PRKG1: variants seen among roughly 807,000 people sequenced by gnomAD.
PRKG1 encodes the protein protein kinase cGMP-dependent 1, also known as cGMP-dependent protein kinase 1.
A neutral mutation model predicts 88.1 loss-of-function variants in PRKG1; 35 were observed. The observed-to-expected ratio is 0.40, with a 90% CI of 0.30 to 0.53. The LOEUF is 0.53. PRKG1 is among the 20% of genes least tolerant of loss of function. The probability of loss-of-function intolerance (pLI) is 0.59; values close to 1 mark genes in which losing one functional copy is unlikely to be tolerated. For missense variants in PRKG1, 540 were observed against 839.8 expected (o/e 0.64, Z 4.41); for synonymous variants, 303 against 292.5 (o/e 1.04, Z -0.37).
chr10:52,001,527 G>T (rs901914008), intron 5 of PRKG1, among the ~76,000 whole-genome samples: 1 of 151,614 alleles, frequency 6.6e-6, no homozygotes, highest in African/African-American at 2.4e-5. Context: ...GAAAATTTTT[G>T]CCTCTTTTTT....
intron 7 of PRKG1, among the ~76,000 whole-genome samples, chr10:52,093,239 T>C (rs1847097672): frequency 1.3e-5 from 2 of 152,040 alleles, no homozygotes; most frequent in Non-Finnish European, 2.9e-5. Context: ...TAGGTGAAAA[T>C]TCAAGTGACT....
chr10:51,856,087 C>T (rs368355541), intron 4 of PRKG1, among the ~76,000 whole-genome samples: 8 of 152,282 alleles, frequency 5.3e-5, no homozygotes, highest in South Asian at 4.1e-4. Context: ...CCCATTGTTA[C>T]ATCACCACCT....
rs536966706 is a variant in PRKG1 at position 51,288,786 on chromosome 10, A to G, written c.478+135456A>G. ...GAAAGAAGGAATGACAGAGGGGAGCAAAGAGGTATGTGTAGTTATTCTGTA... is the reference window on the plus strand; with the variant it reads ...GAAAGAAGGAATGACAGAGGGGAGCGAAGAGGTATGTGTAGTTATTCTGTA... On this transcript the variant is annotated intron_variant, in intron 2 of 17. Transcript: ENST00000373980. Among the ~76,000 whole-genome samples the G allele has an allele frequency of 5.3e-5, 8 of 152,314 alleles. No individual in the cohort carries two copies. In the South Asian group the frequency reaches 1.5e-3, roughly 28 times the overall value.
intron 2 of PRKG1, among the ~76,000 whole-genome samples, chr10:51,246,314 A>G (rs1289580859): frequency 6.6e-6 from 1 of 152,140 alleles, no homozygotes. Context: ...CTGAAAAGAA[A>G]TGGGAGCAGA....
intron 3 of PRKG1, among the ~76,000 whole-genome samples, chr10:51,536,382 A>G (rs1842152102): frequency 6.6e-6 from 1 of 151,848 alleles, no homozygotes; most frequent in African/African-American, 2.4e-5. Context: ...CTGCTTTTTA[A>G]TGGGTTGTTT....
chr10:50,993,658 C>T (rs1842804562), intron 1 of PRKG1, among the ~76,000 whole-genome samples: 1 of 152,238 alleles, frequency 6.6e-6, no homozygotes, highest in East Asian at 1.9e-4. Flanking sequence ...ATTTCTGTGT[C>T]TGGGCTATGC....
At chr10:51,372,435 C>T (rs1842724263) in intron 2 of PRKG1, among the ~76,000 whole-genome samples, 1 of 151,984 alleles carries the variant, frequency 6.6e-6, no homozygotes, top group East Asian at 1.9e-4. Flanking sequence ...TTTTGTTTTT[C>T]ACTTGTGTAA....
At chr10:51,575,302 T>C (rs1181428367) in intron 3 of PRKG1, among the ~76,000 whole-genome samples, 1 of 152,032 alleles carries the variant, frequency 6.6e-6, no homozygotes, top group East Asian at 1.9e-4. Context: ...CCTCTCCAGA[T>C]GGTAATATAC....
chr10:51,831,564 C>A (rs1310017286), intron 4 of PRKG1, among the ~76,000 whole-genome samples: 1 of 152,150 alleles, frequency 6.6e-6, no homozygotes, highest in Non-Finnish European at 1.5e-5. Context: ...CCTTTTATGG[C>A]TGCTCCGTAA....
At chr10:52,008,203 T>G (rs4935302) in intron 5 of PRKG1, among the ~76,000 whole-genome samples, 67,719 of 151,796 alleles carry the variant, frequency 0.45, 15,417 homozygotes, top group East Asian at 0.65. Flanking sequence ...CAACCTAACA[T>G]TACTAGCAGA....
At chr10:52,289,358 T>G (rs1842190211) in intron 16 of PRKG1, among the ~76,000 whole-genome samples, 1 of 152,112 alleles carries the variant, frequency 6.6e-6, no homozygotes, top group Non-Finnish European at 1.5e-5. Flanking sequence ...AGACAAAATA[T>G]ATTTTTCCAA....
chr10:51,667,266 ATATC>A (rs1799518075), intron 3 of PRKG1, among the ~76,000 whole-genome samples: 1 of 152,216 alleles, frequency 6.6e-6, no homozygotes, highest in Non-Finnish European at 1.5e-5. Flanking sequence ...TTTCTTGTGA[ATATC>A]TATGAAAGAA....
chr10:51,390,773 C>T (rs1439896211), intron 2 of PRKG1, among the ~76,000 whole-genome samples: 1 of 152,104 alleles, frequency 6.6e-6, no homozygotes, highest in Non-Finnish European at 1.5e-5. Flanking sequence ...TTGATTATTA[C>T]CACGTATAAT....
chr10:51,910,743 G>A (rs186857495), intron 5 of PRKG1: 5 of 152,276 alleles, frequency 3.3e-5, no homozygotes, highest in Admixed American at 2.6e-4. Context: ...ATGGGTGGTT[G>A]ATAGAGGGAA....
At chr10:51,688,534 C>T (rs1204481332) in intron 3 of PRKG1, among the ~76,000 whole-genome samples, 1 of 149,130 alleles carries the variant, frequency 6.7e-6, no homozygotes, top group Non-Finnish European at 1.5e-5. Context: ...AAAGCATTGA[C>T]CTGCTTTGTC....
At chr10:51,407,324 TAA>T (rs1837948932) in intron 2 of PRKG1, among the ~76,000 whole-genome samples, 1 of 152,112 alleles carries the variant, frequency 6.6e-6, no homozygotes, top group African/African-American at 2.4e-5. Flanking sequence ...ACACTTATCA[TAA>T]AACAACTATC....
intron 2 of PRKG1, among the ~76,000 whole-genome samples, chr10:51,174,300 G>A (rs1837131690): frequency 1.3e-5 from 2 of 151,826 alleles, no homozygotes; most frequent in South Asian, 4.1e-4. Context: ...TTCCTGCAAG[G>A]GTGCTTGTGA....
chr10:52,055,167 T>C (rs1846080957), intron 6 of PRKG1, among the ~76,000 whole-genome samples: 1 of 152,168 alleles, frequency 6.6e-6, no homozygotes, highest in Non-Finnish European at 1.5e-5. Context: ...CTTAGGTCAC[T>C]TACAAAATTC....
intron 5 of PRKG1, among the ~76,000 whole-genome samples, chr10:52,014,244 T>C (rs1844975277): frequency 6.6e-6 from 1 of 152,142 alleles, no homozygotes. Context: ...TGGTTTCATA[T>C]GGCTAGGGAG....
Sources: gnomAD v4.1 joint callset for allele counts (sites outside exome capture counted in the v4.1 genomes callset) on GRCh38, gnomAD v4.1.1 for gene constraint, MANE v1.5 for transcripts, NCBI Gene and HGNC (gene_info 2026-07-23, HGNC 2026-07-21) for gene names.